The following CDK14 variants were observed in gnomAD, a reference collection of about 807,000 sequenced individuals.
CDK14 encodes the protein cyclin-dependent kinase 14.
A neutral mutation model predicts 60.7 loss-of-function variants in CDK14; 34 were observed. That is an observed-to-expected ratio of 0.56 (90% CI 0.43 to 0.75). CDK14 has a LOEUF of 0.75. Among genes scored for constraint, CDK14 ranks in the 30% least tolerant of loss-of-function variants. The pLI is 0.00. For synonymous variants in CDK14, 197 were observed against 203.7 expected (o/e 0.97, Z 0.28); for missense variants, 482 against 564.1 (o/e 0.85, Z 1.47).
chr7:91,206,795 C>T (rs138386752), intron 14 of CDK14, among the ~76,000 whole-genome samples: 51 of 152,226 alleles, frequency 3.4e-4, no homozygotes, highest in African/African-American at 1.1e-3. Flanking sequence ...CATAATGATA[C>T]GTCCTTTTAA....
intron 9 of CDK14, among the ~76,000 whole-genome samples, chr7:90,963,086 A>AGTGTGTGTGTGTGTGTGTGTGTGT (rs34662049): frequency 1.4e-5 from 2 of 142,080 alleles, no homozygotes; most frequent in African/African-American, 5.3e-5. Flanking sequence ...TCATCTTAAG[A>AGTGTGTGTGTGTGTGTGTGTGTGT]GTGTGTGTGT....
At chr7:90,842,900 T>A (rs1482233004) in intron 5 of CDK14, among the ~76,000 whole-genome samples, 2 of 152,174 alleles carry the variant, frequency 1.3e-5, no homozygotes, top group African/African-American at 4.8e-5. Context: ...TTTCCTAAGT[T>A]GTTGTGTGGA....
At chr7:90,976,227 G>A (rs1259345156) in intron 9 of CDK14, among the ~76,000 whole-genome samples, 1 of 152,104 alleles carries the variant, frequency 6.6e-6, no homozygotes, top group East Asian at 1.9e-4. Flanking sequence ...CATAATTGGA[G>A]TGAAATGTCT....
rs930298970 is a variant in CDK14, at chr7:91,179,679, T to G, written c.*29-27486T>G. Among the ~76,000 whole-genome samples, 50 of 152,038 alleles carry G rather than the reference T, an allele frequency of 3.3e-4. 1 individual carries two copies. Among genetic ancestry groups the G allele is most frequent in the African/African-American group, 1.2e-3 (48 of 41,464 alleles). ...TTAGCCGGGCGTGGTGGCGGGCGCC[T>G]GTAGTCCCAGCTACTTGGGAGGCCA... On this transcript the variant is annotated intron_variant, in intron 14 of 14. Coordinates refer to ENST00000380050, the MANE Select transcript of CDK14 (RefSeq NM_001287135.2).
intron 2 of CDK14, among the ~76,000 whole-genome samples, chr7:90,666,945 A>G (rs2116519404): frequency 6.6e-6 from 1 of 152,352 alleles, no homozygotes; most frequent in East Asian, 1.9e-4. Flanking sequence ...AGGACAATGA[A>G]TCTGCATATG....
intron 5 of CDK14, among the ~76,000 whole-genome samples, chr7:90,860,599 C>G (rs1023651455): frequency 1.3e-5 from 2 of 148,278 alleles, no homozygotes; most frequent in Admixed American, 6.9e-5. Context: ...GATCTCAGCT[C>G]ACTGCAACCT....
At chr7:91,198,472 A>G (rs952918528) in intron 14 of CDK14, among the ~76,000 whole-genome samples, 2 of 152,224 alleles carry the variant, frequency 1.3e-5, no homozygotes, top group South Asian at 2.1e-4. Flanking sequence ...CCAAGACAGA[A>G]CATGTAACCA....
intron 14 of CDK14, among the ~76,000 whole-genome samples, chr7:91,196,224 T>C (rs1284901296): frequency 6.6e-6 from 1 of 152,148 alleles, no homozygotes; most frequent in Non-Finnish European, 1.5e-5. Flanking sequence ...TAGTCCTGAT[T>C]GGTCACGTTT....
intron 10 of CDK14, among the ~76,000 whole-genome samples, chr7:91,006,149 G>A (rs1012835610): frequency 1.3e-5 from 2 of 152,248 alleles, no homozygotes; most frequent in African/African-American, 4.8e-5. Context: ...CAGCCTGCTG[G>A]CGATGTTCAG....
chr7:90,741,881 A>G (rs1803362815), intron 3 of CDK14, among the ~76,000 whole-genome samples: 1 of 152,102 alleles, frequency 6.6e-6, no homozygotes, highest in Admixed American at 6.5e-5. Context: ...ATTTTATTTC[A>G]GATACACAGT....
At chr7:91,064,948 A>G (rs1246244298) in intron 11 of CDK14, among the ~76,000 whole-genome samples, 3 of 152,210 alleles carry the variant, frequency 2.0e-5, no homozygotes, top group African/African-American at 7.2e-5. Context: ...GAAGTAGTCT[A>G]TGACTTTTAG....
intron 9 of CDK14, among the ~76,000 whole-genome samples, chr7:90,965,265 T>C (rs1794717779): frequency 6.6e-6 from 1 of 152,196 alleles, no homozygotes; most frequent in Non-Finnish European, 1.5e-5. Context: ...GCCCTGTGTC[T>C]TACTTCGCTG....
intron 4 of CDK14, 122 bp downstream of exon 4, chr7:90,747,897 C>A: frequency 1.1e-5 from 3 of 284,570 alleles, no homozygotes; most frequent in Non-Finnish European, 1.2e-5. Flanking sequence ...CTCACGGTAT[C>A]CTTTTTTTTT....
At chr7:91,112,774 T>A (rs1232471107) in intron 13 of CDK14, 93 bp downstream of exon 13, 2 of 1,324,138 alleles carry the variant, frequency 1.5e-6, no homozygotes, top group Non-Finnish European at 2.1e-6. Flanking sequence ...ATTCACATAT[T>A]TGTGTGTCCA....
Position 90,863,244 on chromosome 7 carries a change from C to T in CDK14, c.614C>T (p.Thr205Met), listed in dbSNP as rs769287160. 1.1e-5 allele frequency: 17 copies of T among 1,600,270 alleles called. 1 individual carries two copies. The highest frequency in any genetic ancestry group is 7.8e-5 in the South Asian group (7 of 90,312). ...CATGACATCATCCATACCAAGGAGA[C>T]GCTGACACTTGTGTTTGAATATGTG... ...LLHDIIHTKE[T>M]LTLVFEYVHT... The change falls in exon 6 of 15, where the codon ACG becomes ATG. Residue 205 changes from threonine (T) to methionine (M), a missense_variant. Transcript: ENST00000380050.
At chr7:90,831,229 C>T (rs922685021) in intron 5 of CDK14, among the ~76,000 whole-genome samples, 1 of 152,142 alleles carries the variant, frequency 6.6e-6, no homozygotes, top group Non-Finnish European at 1.5e-5. Flanking sequence ...AATTGACTCA[C>T]AGTTCAGCAA....
At chr7:91,099,314 A>G (rs1213232073) in intron 12 of CDK14, among the ~76,000 whole-genome samples, 1 of 152,184 alleles carries the variant, frequency 6.6e-6, no homozygotes, top group Non-Finnish European at 1.5e-5. Flanking sequence ...AACATAAGCC[A>G]TTCCTAAATT....
chr7:90,597,149 C>A, intron 1 of CDK14: 1 of 164,990 alleles, frequency 6.1e-6, no homozygotes, highest in Non-Finnish European at 1.3e-5. Flanking sequence ...TAGACTGTGC[C>A]CTGGTATTGT....
At chr7:90,847,665 A>G (rs1172083067) in intron 5 of CDK14, among the ~76,000 whole-genome samples, 1 of 152,134 alleles carries the variant, frequency 6.6e-6, no homozygotes, top group Non-Finnish European at 1.5e-5. Flanking sequence ...AAATATCTAC[A>G]TGATTTTTAT....
Sources: allele counts gnomAD v4.1 joint callset (sites outside exome capture counted in the v4.1 genomes callset), GRCh38; gene constraint gnomAD v4.1.1; transcripts MANE v1.5; gene names NCBI Gene and HGNC (gene_info 2026-07-23, HGNC 2026-07-21).